SLC25A21: variants seen among roughly 807,000 people sequenced by gnomAD.
The protein encoded by SLC25A21 is mitochondrial 2-oxodicarboxylate carrier.
Under a neutral mutation model 43.8 loss-of-function variants are expected in SLC25A21, and 47 were observed. That is an observed-to-expected ratio of 1.07 (90% CI 0.85 to 1.37). The LOEUF (loss-of-function observed/expected upper bound fraction) is 1.37, where lower values mean the gene tolerates loss of function less well. Ranked by LOEUF, SLC25A21 falls within the 40% of genes most tolerant of loss-of-function variation. SLC25A21 has a pLI of 0.00. For missense variants in SLC25A21, 352 were observed against 350.2 expected (o/e 1.00, Z -0.04); for synonymous variants, 131 against 121.3 (o/e 1.08, Z -0.52).
At chr14:36,989,061 A>G (rs1960206592) in intron 1 of SLC25A21, among the ~76,000 whole-genome samples, 1 of 152,224 alleles carries the variant, frequency 6.6e-6, no homozygotes, top group South Asian at 2.1e-4. Flanking sequence ...TCTTTTTAGA[A>G]TTATCATATT....
chr14:36,826,658 G>A (rs1314367813), intron 2 of SLC25A21, among the ~76,000 whole-genome samples: 2 of 152,216 alleles, frequency 1.3e-5, no homozygotes, highest in African/African-American at 4.8e-5. Context: ...TGCAACATCA[G>A]TATGGGCTGT....
intron 1 of SLC25A21, among the ~76,000 whole-genome samples, chr14:37,114,227 T>C (rs1028735738): frequency 6.6e-6 from 1 of 152,336 alleles, no homozygotes. Context: ...CTGGAAAAGA[T>C]AGATGTAATC....
At chr14:37,028,547 G>A (rs1961141002) in intron 1 of SLC25A21, among the ~76,000 whole-genome samples, 1 of 152,130 alleles carries the variant, frequency 6.6e-6, no homozygotes, top group African/African-American at 2.4e-5. Flanking sequence ...ATTATCTGAT[G>A]CAAGACAGTG....
At position 37,055,666 on chromosome 14, in the gene SLC25A21, C is replaced by A. The variant is rs554419909; in HGVS notation, c.70+116615G>T. Among the ~76,000 whole-genome samples the A allele has an allele frequency of 3.9e-5, 6 of 152,176 alleles. No individual in the cohort carries two copies. The South Asian group carries it at 1.0e-3, about 26-fold the overall frequency. On this transcript the variant is annotated intron_variant, in intron 1 of 9. Transcript: ENST00000331299. ...CTCTCCAGGTGACAGTCTAGCTGAGCCTAGTCTTTCAACCATCCCCACCAA... is the reference window on the plus strand; with the variant it reads ...CTCTCCAGGTGACAGTCTAGCTGAGACTAGTCTTTCAACCATCCCCACCAA...
chr14:36,875,846 C>G (rs1594659549), intron 1 of SLC25A21, among the ~76,000 whole-genome samples: 1 of 152,214 alleles, frequency 6.6e-6, no homozygotes, highest in Admixed American at 6.5e-5. Flanking sequence ...ATACAAACTA[C>G]TGGCATGTAA....
chr14:37,097,376 C>CA (rs1962719236), intron 1 of SLC25A21, among the ~76,000 whole-genome samples: 1 of 151,976 alleles, frequency 6.6e-6, no homozygotes, highest in Non-Finnish European at 1.5e-5. Context: ...GCTGGGATTA[C>CA]AATGTGAGCC....
rs1483043965 is a variant in SLC25A21 at position 36,711,429 on chromosome 14, TC to T, written c.491del (p.Gly164AspfsTer9). ...ARQIIKKEGW[G>X]LQGLNKGLTA... ...TTAATCCTTTGTTGAGGCCCTGGAG[TC>T]CCCAGCCTTCCTTCTTAATGATTTG... On this transcript the variant is annotated frameshift_variant, in exon 7 of 10. Transcript: ENST00000331299. LOFTEE classifies it high-confidence loss of function. 2 of 1,614,036 alleles carry T rather than the reference TC, an allele frequency of 1.2e-6. No individual in the cohort carries two copies. Among genetic ancestry groups the T allele is most frequent in the Admixed American group, 1.7e-5 (1 of 60,002 alleles).
In SLC25A21 at chr14:37,037,312, A is replaced by G. The variant is rs1180945640; in HGVS notation, c.70+134969T>C. Among the ~76,000 whole-genome samples the G allele has an allele frequency of 2.6e-5, 4 of 152,104 alleles. No homozygotes were observed. In the East Asian group the frequency reaches 7.7e-4, roughly 29 times the overall value. ...CAGCTGACTTTCACCTTTTCAGGGG[A>G]TCCTCTTCAGTATCCACTATTGAGT... On this transcript the variant is annotated intron_variant, in intron 1 of 9. Transcript: ENST00000331299.
In SLC25A21 at chr14:37,076,579, C is replaced by G. The variant is rs188145199; in HGVS notation, c.70+95702G>C. On this transcript the variant is annotated intron_variant, in intron 1 of 9. Transcript: ENST00000331299. ...TCTCGGCTCACTGCAACCTCTGCCTCCCAGGTTCAAGCGATTCTCCTGCCT... is the reference window on the plus strand; with the variant it reads ...TCTCGGCTCACTGCAACCTCTGCCTGCCAGGTTCAAGCGATTCTCCTGCCT... Among the ~76,000 whole-genome samples, 1,103 of 151,370 alleles carry G rather than the reference C, an allele frequency of 7.3e-3. 8 individuals are homozygous for G. Among genetic ancestry groups the G allele is most frequent in the Non-Finnish European group, 0.011 (765 of 67,818 alleles).
At chr14:36,920,057 C>T (rs1389748531) in intron 1 of SLC25A21, among the ~76,000 whole-genome samples, 1 of 152,008 alleles carries the variant, frequency 6.6e-6, no homozygotes, top group Non-Finnish European at 1.5e-5. Flanking sequence ...CAAAATGTAG[C>T]TGAAGAAGCA....
intron 1 of SLC25A21, among the ~76,000 whole-genome samples, chr14:36,990,904 C>CAA (rs145476666): frequency 6.3e-5 from 9 of 141,930 alleles, no homozygotes; most frequent in African/African-American, 2.3e-4. Flanking sequence ...GACCCTGCTT[C>CAA]AAAAAAAAAA....
At chr14:36,832,452 C>T (rs1362347267) in intron 2 of SLC25A21, among the ~76,000 whole-genome samples, 1 of 152,078 alleles carries the variant, frequency 6.6e-6, no homozygotes, top group Non-Finnish European at 1.5e-5. Context: ...TGCTTTGAGG[C>T]TCACGGGCCT....
chr14:36,986,240 T>C (rs1398364636), intron 1 of SLC25A21, among the ~76,000 whole-genome samples: 2 of 152,176 alleles, frequency 1.3e-5, no homozygotes, highest in Non-Finnish European at 2.9e-5. Flanking sequence ...TTAAAAACCA[T>C]AAATTCACAG....
chr14:37,162,771 C>T (rs1273108085), intron 1 of SLC25A21, among the ~76,000 whole-genome samples: 2 of 152,126 alleles, frequency 1.3e-5, no homozygotes, highest in Non-Finnish European at 2.9e-5. Context: ...TACCATTTGA[C>T]CCAGCCATCC....
chr14:36,863,508 A>G (rs1158599243), intron 2 of SLC25A21, among the ~76,000 whole-genome samples: 2 of 152,200 alleles, frequency 1.3e-5, no homozygotes, highest in African/African-American at 4.8e-5. Context: ...AAAGAATCCC[A>G]TTTACAAAAA....
intron 1 of SLC25A21, among the ~76,000 whole-genome samples, chr14:37,143,454 G>C (rs561127401): frequency 1.3e-5 from 2 of 152,276 alleles, no homozygotes; most frequent in South Asian, 4.2e-4. Flanking sequence ...ATGGACATTG[G>C]AGATAACTAA....
intron 1 of SLC25A21, among the ~76,000 whole-genome samples, chr14:37,071,161 G>T (rs1962162314): frequency 6.6e-6 from 1 of 152,168 alleles, no homozygotes. Context: ...TAATCCTCTG[G>T]AAAGCTAATT....
chr14:37,042,111 T>C (rs1486198697), intron 1 of SLC25A21, among the ~76,000 whole-genome samples: 2 of 152,150 alleles, frequency 1.3e-5, no homozygotes, highest in Non-Finnish European at 2.9e-5. Context: ...TTACTTGCCA[T>C]AGAAAAACAG....
intron 1 of SLC25A21, among the ~76,000 whole-genome samples, chr14:37,161,570 T>C (rs957551882): frequency 6.6e-6 from 1 of 152,100 alleles, no homozygotes; most frequent in Non-Finnish European, 1.5e-5. Flanking sequence ...TCTTTAAGGA[T>C]GTAATCAAGT....
Sources: gnomAD v4.1 joint callset for allele counts (sites outside exome capture counted in the v4.1 genomes callset) on GRCh38, gnomAD v4.1.1 for gene constraint, MANE v1.5 for transcripts, NCBI Gene and HGNC (gene_info 2026-07-23, HGNC 2026-07-21) for gene names.